The following NEGR1 variants were observed in gnomAD, a reference collection of about 807,000 sequenced individuals.
NEGR1 encodes the protein neuronal growth regulator 1.
A neutral mutation model predicts 40.9 loss-of-function variants in NEGR1; 10 were observed. The ratio of observed to expected loss-of-function variants is 0.24; its 90% confidence interval spans 0.15 to 0.42. The LOEUF is 0.42. Ranked by LOEUF, NEGR1 falls within the 10% of genes least tolerant of loss-of-function variation. NEGR1 has a pLI of 1.00. For synonymous variants in NEGR1, 185 were observed against 166.8 expected (o/e 1.11, Z -0.84); for missense variants, 352 against 438.9 (o/e 0.80, Z 1.77).
intron 6 of NEGR1, among the ~76,000 whole-genome samples, chr1:71,574,152 A>G (rs2101496347): frequency 6.6e-6 from 1 of 152,286 alleles, no homozygotes. Context: ...GGTTCCCTAA[A>G]CTCAATATTG....
At chr1:71,715,680 C>A (rs777085176) in intron 3 of NEGR1, among the ~76,000 whole-genome samples, 6 of 152,198 alleles carry the variant, frequency 3.9e-5, no homozygotes, top group Non-Finnish European at 8.8e-5. Flanking sequence ...TGTCACCAGT[C>A]TCTCAGCTAA....
intron 6 of NEGR1, among the ~76,000 whole-genome samples, chr1:71,511,252 A>C (rs1459996611): frequency 6.6e-6 from 1 of 152,228 alleles, no homozygotes; most frequent in Non-Finnish European, 1.5e-5. Context: ...AAGTTTTGAG[A>C]ATCCTGAATT....
At chr1:71,623,678 A>G (rs1162839154) in intron 4 of NEGR1, among the ~76,000 whole-genome samples, 3 of 151,974 alleles carry the variant, frequency 2.0e-5, no homozygotes, top group Non-Finnish European at 4.4e-5. Context: ...AAAGTAGGAG[A>G]GACATTTTAC....
intron 6 of NEGR1, chr1:71,468,165 A>G (rs1246915319): frequency 6.6e-6 from 1 of 151,996 alleles, no homozygotes; most frequent in Admixed American, 6.6e-5. Flanking sequence ...GAAATGGTAT[A>G]TATATTTAGA....
chr1:71,660,828 C>T (rs931078287), intron 4 of NEGR1, among the ~76,000 whole-genome samples: 8 of 152,124 alleles, frequency 5.3e-5, no homozygotes, highest in African/African-American at 1.9e-4. Flanking sequence ...TTAGGTATTT[C>T]TCCTAATGCT....
intron 4 of NEGR1, among the ~76,000 whole-genome samples, chr1:71,654,557 C>T (rs1414065170): frequency 1.3e-5 from 2 of 152,038 alleles, no homozygotes; most frequent in Admixed American, 6.5e-5. Context: ...ACTTAACTCA[C>T]ATTGATATCC....
At chr1:71,894,309 A>C (rs900061031) in intron 2 of NEGR1, among the ~76,000 whole-genome samples, 1 of 152,196 alleles carries the variant, frequency 6.6e-6, no homozygotes, top group Non-Finnish European at 1.5e-5. Context: ...ACTACAATTC[A>C]TTTCAAAAGA....
chr1:71,853,869 T>C (rs1277249449), intron 2 of NEGR1, among the ~76,000 whole-genome samples: 1 of 152,156 alleles, frequency 6.6e-6, no homozygotes, highest in Non-Finnish European at 1.5e-5. Flanking sequence ...GCTAGACGTC[T>C]GTTTTAATAT....
chr1:71,955,345 A>G (rs889706321), intron 1 of NEGR1, among the ~76,000 whole-genome samples: 1 of 152,138 alleles, frequency 6.6e-6, no homozygotes, highest in Non-Finnish European at 1.5e-5. Flanking sequence ...GAGGAATTCT[A>G]TTAAGTGGTA....
At chr1:71,509,238 G>A (rs1286804370) in intron 6 of NEGR1, among the ~76,000 whole-genome samples, 2 of 152,180 alleles carry the variant, frequency 1.3e-5, no homozygotes, top group Non-Finnish European at 2.9e-5. Context: ...GGAATGCATT[G>A]CATATTGGCT....
At chr1:71,478,135 C>T (rs886285110) in intron 6 of NEGR1, among the ~76,000 whole-genome samples, 5 of 151,942 alleles carry the variant, frequency 3.3e-5, no homozygotes, top group African/African-American at 1.2e-4. Flanking sequence ...AATGACACTC[C>T]CTCATACCAT....
At chr1:71,665,381 A>G (rs1260922904) in intron 4 of NEGR1, among the ~76,000 whole-genome samples, 2 of 152,164 alleles carry the variant, frequency 1.3e-5, no homozygotes, top group African/African-American at 4.8e-5. Flanking sequence ...ACATGGGGAA[A>G]TGGGCAGGGT....
chr1:72,005,037 T>C (rs1646594050), intron 1 of NEGR1, among the ~76,000 whole-genome samples: 1 of 152,166 alleles, frequency 6.6e-6, no homozygotes. Context: ...TGACTTCCTA[T>C]TGTACTTGCT....
In NEGR1 at chr1:71,460,330, C is replaced by G. The variant is rs1181890585; in HGVS notation, c.941-52760G>C. Among the ~76,000 whole-genome samples, 3 of 152,202 alleles carry G rather than the reference C, an allele frequency of 2.0e-5. No homozygotes were observed. In the South Asian group the frequency reaches 6.2e-4, roughly 32 times the overall value. On this transcript the variant is annotated intron_variant, in intron 6 of 6. Transcript: ENST00000357731. ...TGTTTCTGTGATATGGACGACAGGG[C>G]CTGAGTTAAGGTAAGGCAAACAAGT...
intron 1 of NEGR1, among the ~76,000 whole-genome samples, chr1:72,089,806 A>C (rs2821255): frequency 0.14 from 20,925 of 152,130 alleles, 1,914 homozygotes; most frequent in East Asian, 0.28. Context: ...ATGGACTATT[A>C]AATATATGTA....
At chr1:71,442,741 T>A (rs1468037157) in intron 6 of NEGR1, among the ~76,000 whole-genome samples, 1 of 152,186 alleles carries the variant, frequency 6.6e-6, no homozygotes, top group Non-Finnish European at 1.5e-5. Context: ...TGAAAAAGCT[T>A]AAGACAAACA....
chr1:71,824,038 T>G (rs984816247), intron 2 of NEGR1, among the ~76,000 whole-genome samples: 1 of 151,988 alleles, frequency 6.6e-6, no homozygotes, highest in Admixed American at 6.6e-5. Context: ...TTCATTACAT[T>G]TACCAGTGTG....
intron 1 of NEGR1, among the ~76,000 whole-genome samples, chr1:72,000,210 T>C (rs1315162601): frequency 1.3e-5 from 2 of 152,056 alleles, no homozygotes; most frequent in Non-Finnish European, 2.9e-5. Flanking sequence ...TTTTCTTAAA[T>C]TTGAACTTTG....
At chr1:72,150,758 G>A (rs1475459249) in intron 1 of NEGR1, among the ~76,000 whole-genome samples, 1 of 152,052 alleles carries the variant, frequency 6.6e-6, no homozygotes, top group African/African-American at 2.4e-5. Flanking sequence ...TTATATTACA[G>A]TCTATAATAT....
Sources: gnomAD v4.1 joint callset for allele counts (sites outside exome capture counted in the v4.1 genomes callset) on GRCh38, gnomAD v4.1.1 for gene constraint, MANE v1.5 for transcripts, NCBI Gene and HGNC (gene_info 2026-07-23, HGNC 2026-07-21) for gene names.